Variants in MAP3K8 observed in about 807,000 individuals in gnomAD.
MAP3K8 encodes Ewing sarcoma transformant.
In MAP3K8, 22 loss-of-function variants were observed where a neutral mutation model predicts 45.8. The ratio of observed to expected loss-of-function variants is 0.48; its 90% confidence interval spans 0.34 to 0.69. MAP3K8 has a LOEUF of 0.69. Ranked by LOEUF, MAP3K8 falls within the 30% of genes least tolerant of loss-of-function variation. MAP3K8 has a pLI of 0.01. For missense variants in MAP3K8, 419 were observed against 585.0 expected (o/e 0.72, Z 2.93); for synonymous variants, 223 against 214.3 (o/e 1.04, Z -0.36).
intron 3 of MAP3K8, among the ~76,000 whole-genome samples, chr10:30,443,166 A>G (rs1162031024): frequency 2.6e-5 from 4 of 152,100 alleles, no homozygotes; most frequent in Non-Finnish European, 5.9e-5. Flanking sequence ...TACCTGGGTT[A>G]TGTAGTTCAG....
chr10:30,438,475 C>G (rs1835983222), intron 2 of MAP3K8, among the ~76,000 whole-genome samples: 1 of 152,158 alleles, frequency 6.6e-6, no homozygotes, highest in African/African-American at 2.4e-5. Flanking sequence ...TTTAAAGTCA[C>G]CAGAGGCATA....
At chr10:30,438,535 C>G (rs539448334) in intron 2 of MAP3K8, among the ~76,000 whole-genome samples, 1 of 152,254 alleles carries the variant, frequency 6.6e-6, no homozygotes, top group East Asian at 1.9e-4. Flanking sequence ...GGGGGAATAG[C>G]TGGGTTGTGT....
intron 6 of MAP3K8, among the ~76,000 whole-genome samples, chr10:30,456,330 C>G (rs1228784862): frequency 6.6e-6 from 1 of 152,132 alleles, no homozygotes; most frequent in Non-Finnish European, 1.5e-5. Flanking sequence ...TAGCAAAGTC[C>G]TTCTGGAAAG....
chr10:30,442,783 C>T (rs1463457709), intron 3 of MAP3K8, among the ~76,000 whole-genome samples: 1 of 152,140 alleles, frequency 6.6e-6, no homozygotes, highest in African/African-American at 2.4e-5. Context: ...TTTTTTACAA[C>T]TTTATATCTA....
At chr10:30,442,365 A>G (rs145662303) in intron 3 of MAP3K8, among the ~76,000 whole-genome samples, 4 of 152,360 alleles carry the variant, frequency 2.6e-5, no homozygotes, top group African/African-American at 9.6e-5. Flanking sequence ...AGTCAGCTAG[A>G]TGAAGTGGAC....
chr10:30,439,380 A>T, intron 3 of MAP3K8, 106 bp downstream of exon 3: 1 of 1,483,060 alleles, frequency 6.7e-7, no homozygotes, highest in Non-Finnish European at 9.0e-7. Flanking sequence ...GCTGGCAGGC[A>T]TGATTTTAAA....
At chr10:30,444,109 G>C (rs374237794) in intron 3 of MAP3K8, among the ~76,000 whole-genome samples, 61 of 152,048 alleles carry the variant, frequency 4.0e-4, no homozygotes, top group African/African-American at 1.4e-3. Context: ...AGGATCACTT[G>C]AGTCTGGGAG....
intron 4 of MAP3K8, among the ~76,000 whole-genome samples, chr10:30,448,225 T>C (rs1394685441): frequency 6.6e-6 from 1 of 152,098 alleles, no homozygotes; most frequent in African/African-American, 2.4e-5. Flanking sequence ...ACATCATCAC[T>C]CTTGGAGAGA....
Position 30,440,792 on chromosome 10 carries a change from T to A in MAP3K8, c.336+1518T>A, listed in dbSNP as rs8176973. Among the ~76,000 whole-genome samples the A allele has an allele frequency of 6.0e-3, 910 of 152,288 alleles. 12 individuals carry two copies. The highest frequency in any genetic ancestry group is 0.021 in the African/African-American group (871 of 41,564). On this transcript the variant is annotated intron_variant, in intron 3 of 8. Coordinates refer to ENST00000263056, the MANE Select transcript of MAP3K8 (RefSeq NM_005204.4). ...TTTTTAACGTATTTATTTGTTAAAA[T>A]GGGAATTAAATTTTTTTTAAAATCC...
chr10:30,453,020 T>G (rs1220325306), intron 6 of MAP3K8, among the ~76,000 whole-genome samples: 2 of 152,190 alleles, frequency 1.3e-5, no homozygotes, highest in Non-Finnish European at 2.9e-5. Flanking sequence ...TAGAGTTAAC[T>G]TTATAATAAG....
rs1835940072 is a variant in MAP3K8 at position 30,437,162 on chromosome 10, A to G, written c.-254-14A>G. 6.1e-6 allele frequency: 6 copies of G among 984,678 alleles called. No homozygotes were observed. Among genetic ancestry groups the G allele is most frequent in the Non-Finnish European group, 6.0e-6 (5 of 829,754 alleles). The allele number at this position is 984,678 out of a possible 1,614,324, so 61.0% of individuals were successfully genotyped here. ...TTCTGCCTTTTTTTTCTCTCTCTTT[A>G]TGTCTTGTTTTAGATGCAATCTTCT... On this transcript the variant is annotated splice_polypyrimidine_tract_variant and intron_variant, in intron 1 of 8. Coordinates refer to ENST00000263056, the MANE Select transcript of MAP3K8 (RefSeq NM_005204.4).
chr10:30,441,169 T>C (rs1588768083), intron 3 of MAP3K8, among the ~76,000 whole-genome samples: 2 of 152,162 alleles, frequency 1.3e-5, no homozygotes, highest in South Asian at 4.1e-4. Context: ...TCTTTTTTTT[T>C]TTTTTGAGAC....
chr10:30,453,296 C>T (rs1836614581), intron 6 of MAP3K8, among the ~76,000 whole-genome samples: 1 of 151,948 alleles, frequency 6.6e-6, no homozygotes, highest in African/African-American at 2.4e-5. Context: ...TGAGTTTTGG[C>T]TCAATGACAG....
At chr10:30,456,288 G>A (rs761038397) in intron 6 of MAP3K8, among the ~76,000 whole-genome samples, 23 of 152,192 alleles carry the variant, frequency 1.5e-4, no homozygotes, top group Non-Finnish European at 3.4e-4. Flanking sequence ...ACAATGTTGT[G>A]CATTAATTTT....
chr10:30,441,059 A>C (rs1355469031), intron 3 of MAP3K8, among the ~76,000 whole-genome samples: 1 of 152,212 alleles, frequency 6.6e-6, no homozygotes, highest in African/African-American at 2.4e-5. Flanking sequence ...CATTAAGATG[A>C]GGATAAAATT....
At chr10:30,442,072 T>C (rs1482587596) in intron 3 of MAP3K8, among the ~76,000 whole-genome samples, 1 of 152,234 alleles carries the variant, frequency 6.6e-6, no homozygotes, top group Non-Finnish European at 1.5e-5. Flanking sequence ...TACCTATTCA[T>C]TTGCTAGACA....
chr10:30,460,835 G>A lies in MAP3K8; in HGVS notation c.1403G>A (p.Ter468=), dbSNP rs765089770. 3 of 1,613,384 alleles carry A rather than the reference G, an allele frequency of 1.9e-6. No individual in the cohort carries two copies. The highest frequency in any genetic ancestry group is 2.5e-6 in the Non-Finnish European group (3 of 1,179,970). The change falls in exon 9 of 9, where the codon TGA becomes TAA. Residue 468 remains the stop codon, a stop_retained_variant. Coordinates refer to ENST00000263056, the MANE Select transcript of MAP3K8 (RefSeq NM_005204.4). The stretch of plus-strand genomic sequence containing the variant: ...GGACCACCAACGCTTGAATATGGCT[G>A]AAGGATGCCATGTTTGCTCTAAATT... ...VRGPPTLEYG[*]
chr10:30,457,722 A>G (rs1235075023), intron 6 of MAP3K8, among the ~76,000 whole-genome samples: 2 of 151,988 alleles, frequency 1.3e-5, no homozygotes, highest in Non-Finnish European at 2.9e-5. Context: ...CTCGGCTCAC[A>G]GCAGCCTCCG....
At chr10:30,444,436 C>T (rs1836239104) in intron 3 of MAP3K8, among the ~76,000 whole-genome samples, 1 of 152,040 alleles carries the variant, frequency 6.6e-6, no homozygotes, top group East Asian at 1.9e-4. Flanking sequence ...GCACTCCAGC[C>T]TGGGCAACAA....
Sources: gnomAD v4.1 joint callset for allele counts (sites outside exome capture counted in the v4.1 genomes callset) on GRCh38, gnomAD v4.1.1 for gene constraint, MANE v1.5 for transcripts, NCBI Gene and HGNC (gene_info 2026-07-23, HGNC 2026-07-21) for gene names.